The following MCOLN2 variants were observed in gnomAD, a reference collection of about 807,000 sequenced individuals.
MCOLN2 encodes mucolipin-2.
MCOLN2 carries 57 observed loss-of-function variants against 67.5 expected under a neutral mutation model. The ratio of observed to expected loss-of-function variants is 0.84; its 90% CI spans 0.68 to 1.05. The LOEUF (loss-of-function observed/expected upper bound fraction) is 1.05, where lower values mean the gene tolerates loss of function less well. MCOLN2 is among the 50% of genes least tolerant of loss of function. The probability of loss-of-function intolerance (pLI) is 0.00; values close to 1 mark genes in which losing one functional copy is unlikely to be tolerated. For missense variants in MCOLN2, 620 were observed against 678.8 expected, an observed-to-expected ratio of 0.91 and a Z score of 0.96; for synonymous variants, 246 against 233.3, an observed-to-expected ratio of 1.05 and a Z score of -0.50.
At chr1:84,949,636 C>T (rs1648309368) in intron 6 of MCOLN2, among the ~76,000 whole-genome samples, 2 of 152,104 alleles carry the variant, frequency 1.3e-5, no homozygotes. Flanking sequence ...CAGAGCAAGA[C>T]TCCGTCTCAA....
At chr1:84,947,178 T>A in intron 6 of MCOLN2, 46 bp from the exon 7 acceptor site, 2 of 959,884 alleles carry the variant, frequency 2.1e-6, no homozygotes, top group Non-Finnish European at 3.4e-6. Flanking sequence ...GAAGAAAGTA[T>A]AACATGTTAG....
chr1:84,987,209 T>A (rs1160011110), intron 1 of MCOLN2, among the ~76,000 whole-genome samples: 1 of 54,826 alleles, frequency 1.8e-5, no homozygotes, highest in Non-Finnish European at 4.6e-5. Context: ...TCTATCTATC[T>A]ATATATATGG....
At chr1:84,967,432 T>C (rs1442838482) in intron 1 of MCOLN2, among the ~76,000 whole-genome samples, 1 of 152,230 alleles carries the variant, frequency 6.6e-6, no homozygotes, top group Non-Finnish European at 1.5e-5. Flanking sequence ...TTGTGGGTCA[T>C]TTTTTAAGGT....
intron 1 of MCOLN2, among the ~76,000 whole-genome samples, chr1:84,987,401 G>C (rs28816443): frequency 8.5e-6 from 1 of 117,986 alleles, no homozygotes; most frequent in Non-Finnish European, 1.7e-5. Context: ...TATGTATATA[G>C]ATATATTTAT....
chr1:84,929,499 T>C lies in MCOLN2; in HGVS notation c.1664+59A>G. ...TGTAATGGTAATCTTGGAGGGGCTC[T>C]TTCTTAAGACAACAGAACAGCCCAT... On this transcript the variant is annotated intron_variant, in intron 13 of 13. Coordinates refer to ENST00000370608, the MANE Select transcript of MCOLN2 (RefSeq NM_153259.4). 2.7e-6 allele frequency: 4 copies of C among 1,498,172 alleles called. No individual in the cohort carries two copies. In the Middle Eastern group the frequency reaches 7.2e-4, roughly 268 times the overall value. The allele number at this position is 1,498,172 out of a possible 1,614,324, so 92.8% of individuals were successfully genotyped here.
chr1:84,969,010 G>A (rs1037116915), intron 1 of MCOLN2, among the ~76,000 whole-genome samples: 4 of 152,088 alleles, frequency 2.6e-5, no homozygotes, highest in African/African-American at 9.7e-5. Flanking sequence ...ATCCAATAAA[G>A]TCTCCATAAA....
In MCOLN2 at chr1:84,954,506, AG is replaced by A. The variant is rs545567983; in HGVS notation, c.565+1924del. 2.2e-4 allele frequency among the ~76,000 whole-genome samples: 33 copies of A among 152,348 alleles called. No homozygotes were observed. The East Asian group carries it at 6.4e-3, about 29-fold the overall frequency. On this transcript the variant is annotated intron_variant, in intron 4 of 13. Transcript: ENST00000370608. ...ATGCATCATCTCATTTAATCTTCAAAGCAACCTTGTGAGATAGGCACTATTA... is the reference window on the plus strand; with the variant it reads ...ATGCATCATCTCATTTAATCTTCAAACAACCTTGTGAGATAGGCACTATTA...
chr1:84,987,384 A>G (rs1470044832), intron 1 of MCOLN2, among the ~76,000 whole-genome samples: 3 of 137,110 alleles, frequency 2.2e-5, no homozygotes, highest in Non-Finnish European at 4.7e-5. Context: ...TTATATAGAT[A>G]TATACATATG....
At chr1:84,941,638 A>G (rs1647790637) in intron 7 of MCOLN2, among the ~76,000 whole-genome samples, 1 of 152,236 alleles carries the variant, frequency 6.6e-6, no homozygotes, top group Non-Finnish European at 1.5e-5. Context: ...AAAAAAGGCA[A>G]AACTGCTGAC....
At chr1:84,957,250 A>G (rs925279221) in intron 3 of MCOLN2, among the ~76,000 whole-genome samples, 14 of 152,288 alleles carry the variant, frequency 9.2e-5, no homozygotes, top group African/African-American at 3.4e-4. Context: ...TCTAATATCT[A>G]CTGAGGACAT....
chr1:84,972,357 G>A (rs1375084618), intron 1 of MCOLN2, among the ~76,000 whole-genome samples: 1 of 152,148 alleles, frequency 6.6e-6, no homozygotes, highest in African/African-American at 2.4e-5. Flanking sequence ...CATAGGAAAT[G>A]CATGATCTGG....
At chr1:84,959,594 CTCTG>C (rs1305474484) in intron 2 of MCOLN2, among the ~76,000 whole-genome samples, 2 of 151,680 alleles carry the variant, frequency 1.3e-5, no homozygotes, top group Admixed American at 1.3e-4. Flanking sequence ...CGTGCGTCCT[CTCTG>C]TCTCTCTCAC....
At chr1:84,990,160 T>C (rs1184989987) in intron 1 of MCOLN2, among the ~76,000 whole-genome samples, 1 of 151,648 alleles carries the variant, frequency 6.6e-6, no homozygotes, top group Non-Finnish European at 1.5e-5. Flanking sequence ...TAGCCGGGCA[T>C]GGTGGTGTGC....
intron 1 of MCOLN2, among the ~76,000 whole-genome samples, chr1:84,982,687 T>C (rs2102880329): frequency 6.6e-6 from 1 of 152,246 alleles, no homozygotes; most frequent in East Asian, 1.9e-4. Context: ...ATAAACTTGT[T>C]AGCTTTAAAG....
At chr1:84,968,237 T>A (rs191788885) in intron 1 of MCOLN2, among the ~76,000 whole-genome samples, 1 of 152,208 alleles carries the variant, frequency 6.6e-6, no homozygotes, top group Admixed American at 6.5e-5. Flanking sequence ...AGAATGCCCA[T>A]AAACCAGGCC....
intron 7 of MCOLN2, among the ~76,000 whole-genome samples, chr1:84,943,532 CAG>C (rs979367005): frequency 3.3e-5 from 5 of 151,996 alleles, no homozygotes; most frequent in Non-Finnish European, 5.9e-5. Flanking sequence ...AGACTGCGGT[CAG>C]AGTCTTCCAC....
At chr1:84,996,752 T>C in intron 1 of MCOLN2, 44 bp downstream of exon 1, 1 of 1,561,144 alleles carries the variant, frequency 6.4e-7, no homozygotes, top group Admixed American at 1.7e-5. Flanking sequence ...TTAGGAAGAT[T>C]TCTCCAGTCC....
rs1414129194 is a variant in MCOLN2 at position 84,937,782 on chromosome 1, C to T, written c.1308G>A (p.Trp436Ter). ...MIYLGYTFCG[W>*]IVLGPYHDKF... is the part of the protein sequence containing the mutation. ...TGTCATGGTATGGTCCTAAGACAAT[C>T]CAGCCACAGAATGTGTAACCCAGAT... Residue 436 changes from tryptophan (W) to a stop codon, truncating the protein, a stop_gained, in exon 11 of 14, where the codon TGG becomes TGA. Transcript: ENST00000370608. LOFTEE classifies it high-confidence loss of function. 1 of 1,614,150 alleles carries T rather than the reference C, an allele frequency of 6.2e-7. No homozygotes were observed. Among genetic ancestry groups the T allele is most frequent in the African/African-American group, 1.3e-5 (1 of 75,026 alleles).
At chr1:84,975,667 C>A (rs901538411) in intron 1 of MCOLN2, among the ~76,000 whole-genome samples, 21 of 152,058 alleles carry the variant, frequency 1.4e-4, no homozygotes, top group African/African-American at 4.6e-4. Flanking sequence ...GAAAACATGG[C>A]CTCATCAAAT....
Sources: allele counts gnomAD v4.1 joint callset (sites outside exome capture counted in the v4.1 genomes callset), GRCh38; gene constraint gnomAD v4.1.1; transcripts MANE v1.5; gene names NCBI Gene and HGNC (gene_info 2026-07-23, HGNC 2026-07-21).